RGS6: variants seen among roughly 807,000 people sequenced by gnomAD.
RGS6 encodes the protein regulator of G protein signaling 6.
In RGS6, 30 loss-of-function variants were observed where a neutral mutation model predicts 78.5. That is an observed-to-expected ratio of 0.38 (90% confidence interval 0.29 to 0.52). RGS6 has a LOEUF of 0.52. Among genes scored for constraint, RGS6 ranks in the 20% least tolerant of loss-of-function variants. The pLI, the probability that RGS6 is intolerant of heterozygous loss-of-function variation, is 0.85. For synonymous variants in RGS6, 206 were observed against 206.0 expected, an observed-to-expected ratio of 1.00 and a Z score of 0.00; for missense variants, 495 against 609.7, an observed-to-expected ratio of 0.81 and a Z score of 1.98.
chr14:72,446,020 A>G (rs1023427777), intron 3 of RGS6, among the ~76,000 whole-genome samples: 1 of 152,156 alleles, frequency 6.6e-6, no homozygotes, highest in Non-Finnish European at 1.5e-5. Context: ...GCACTTTGGG[A>G]GGCCAAGGCA....
At chr14:72,619,598 T>C in the RGS6 span, among the ~76,000 whole-genome samples, 3 of 152,084 alleles carry the variant, frequency 2.0e-5, no homozygotes. Context: ...GCCTCCAAAC[T>C]AGTGTCGCCG....
At chr14:72,087,048 A>G (rs1337669229) in intron 2 of RGS6, among the ~76,000 whole-genome samples, 1 of 152,254 alleles carries the variant, frequency 6.6e-6, no homozygotes, top group Admixed American at 6.5e-5. Context: ...ATGTTAAGTT[A>G]GGACGACACA....
chr14:72,290,116 A>G (rs571609955), intron 2 of RGS6, among the ~76,000 whole-genome samples: 3 of 152,326 alleles, frequency 2.0e-5, no homozygotes, highest in Non-Finnish European at 2.9e-5. Context: ...AAATCCTAGG[A>G]CGATCAATCT....
At chr14:72,459,489 A>C in intron 5 of RGS6, 143 bp from the exon 6 acceptor site, 1 of 711,044 alleles carries the variant, frequency 1.4e-6, no homozygotes, top group East Asian at 2.6e-5. Flanking sequence ...TAGCTGAATT[A>C]GAGAAGAGGA....
At chr14:72,607,742 A>G in the RGS6 span, among the ~76,000 whole-genome samples, 1 of 152,192 alleles carries the variant, frequency 6.6e-6, no homozygotes, top group South Asian at 2.1e-4. Context: ...TTGCAGGTCC[A>G]GCTGTCACTT....
intron 2 of RGS6, among the ~76,000 whole-genome samples, chr14:72,213,267 A>G (rs1342328371): frequency 6.6e-6 from 1 of 152,010 alleles, no homozygotes; most frequent in East Asian, 1.9e-4. Flanking sequence ...TTTCTATGAA[A>G]GCTTTTTTGA....
intron 2 of RGS6, among the ~76,000 whole-genome samples, chr14:72,080,156 T>C (rs1238303845): frequency 3.3e-5 from 5 of 152,174 alleles, no homozygotes; most frequent in African/African-American, 9.6e-5. Context: ...ACATGAGCAG[T>C]GTACAAAGAT....
chr14:71,927,947 C>T (rs1200581653), upstream of RGS6, among the ~76,000 whole-genome samples: 1 of 152,034 alleles, frequency 6.6e-6, no homozygotes, highest in Non-Finnish European at 1.5e-5. Context: ...CGTGAGCCAC[C>T]GCGCCCGGCC....
At chr14:72,522,454 CAG>C (rs1431236782) in intron 15 of RGS6, among the ~76,000 whole-genome samples, 4 of 152,192 alleles carry the variant, frequency 2.6e-5, no homozygotes, top group East Asian at 3.8e-4. Context: ...TTACCTAAAA[CAG>C]GGGTCAGTTA....
At chr14:72,574,416 A>C in the RGS6 span, among the ~76,000 whole-genome samples, 4 of 152,184 alleles carry the variant, frequency 2.6e-5, no homozygotes, top group African/African-American at 7.2e-5. Context: ...GCAAAGAGGA[A>C]GGCAGGAGTG....
the RGS6 span, among the ~76,000 whole-genome samples, chr14:72,600,620 G>A: frequency 2.6e-5 from 4 of 152,004 alleles, no homozygotes; most frequent in Non-Finnish European, 5.9e-5. Flanking sequence ...CAAATTCAAG[G>A]AGCCCTGAAG....
intron 2 of RGS6, among the ~76,000 whole-genome samples, chr14:72,312,254 C>T (rs1288289157): frequency 1.4e-5 from 2 of 146,226 alleles, no homozygotes; most frequent in African/African-American, 5.1e-5. Context: ...GGTACTCAGC[C>T]CTAATTTTCC....
rs149285102 is a variant in RGS6 at position 72,552,127 on chromosome 14, C to T, written c.1423-10290C>T. 4.3e-3 allele frequency among the ~76,000 whole-genome samples: 655 copies of T among 152,294 alleles called. 4 individuals carry two copies. Among genetic ancestry groups the T allele is most frequent in the Middle Eastern group, 0.01 (3 of 294 alleles). On this transcript the variant is annotated intron_variant, in intron 17 of 17. Transcript: ENST00000553525. Reference sequence around the variant, plus strand: ...TACATCTTGTGGTTGAGGGTGGGTACGTGGGTATCTCCTATATGACAGTCT... The same window carrying T: ...TACATCTTGTGGTTGAGGGTGGGTATGTGGGTATCTCCTATATGACAGTCT...
chr14:72,147,350 A>G (rs1328316776), intron 2 of RGS6, among the ~76,000 whole-genome samples: 60 of 152,238 alleles, frequency 3.9e-4, no homozygotes, highest in Non-Finnish European at 2.5e-4. Context: ...ACAGAATACC[A>G]GAGACTGGGT....
At chr14:72,597,525 A>G in the RGS6 span, among the ~76,000 whole-genome samples, 2 of 152,198 alleles carry the variant, frequency 1.3e-5, no homozygotes, top group Admixed American at 1.3e-4. Context: ...CCAGACATAA[A>G]TCTTTTCATT....
At chr14:72,084,721 C>G (rs2094955377) in intron 2 of RGS6, among the ~76,000 whole-genome samples, 1 of 150,900 alleles carries the variant, frequency 6.6e-6, no homozygotes, top group Non-Finnish European at 1.5e-5. Context: ...TATGTCTGGT[C>G]AAAGCTCATT....
intron 2 of RGS6, among the ~76,000 whole-genome samples, chr14:72,287,538 C>T (rs2062798244): frequency 6.6e-6 from 1 of 152,128 alleles, no homozygotes; most frequent in South Asian, 2.1e-4. Flanking sequence ...CTTACTGCAG[C>T]CTCCGCCTCC....
At chr14:71,990,983 G>A (rs2094932394) in intron 2 of RGS6, 3 of 374,262 alleles carry the variant, frequency 8.0e-6, no homozygotes, top group Admixed American at 3.5e-5. Flanking sequence ...ACCACTCTAC[G>A]CAATATGAAA....
chr14:72,278,817 A>C (rs1403409321), intron 2 of RGS6, among the ~76,000 whole-genome samples: 1 of 152,100 alleles, frequency 6.6e-6, no homozygotes, highest in Non-Finnish European at 1.5e-5. Flanking sequence ...TGGCTTAAAC[A>C]ACACACATTT....
Sources: allele counts gnomAD v4.1 joint callset (sites outside exome capture counted in the v4.1 genomes callset), GRCh38; gene constraint gnomAD v4.1.1; transcripts MANE v1.5; gene names NCBI Gene and HGNC (gene_info 2026-07-23, HGNC 2026-07-21).